The following NEDD9 variants were observed in gnomAD, a reference collection of about 807,000 sequenced individuals.
NEDD9 encodes enhancer of filamentation 1.
Under a neutral mutation model 76.6 loss-of-function variants are expected in NEDD9, and 26 were observed. That is an observed-to-expected ratio of 0.34 (90% CI 0.25 to 0.47). The LOEUF is 0.47. NEDD9 is among the 20% of genes least tolerant of loss of function. NEDD9 has a pLI of 1.00. For synonymous variants in NEDD9, 392 were observed against 414.2 expected (o/e 0.95, Z 0.65); for missense variants, 937 against 1,058.5 (o/e 0.89, Z 1.59).
chr6:11,268,069 G>C (rs11969146), intron 3 of NEDD9, among the ~76,000 whole-genome samples: 2,311 of 152,020 alleles, frequency 0.015, 57 homozygotes, highest in African/African-American at 0.052. Flanking sequence ...CCACTCTGTC[G>C]CCCAGGCTGG....
chr6:11,189,891 T>C, intron 5 of NEDD9, 73 bp downstream of exon 5: 1 of 1,480,694 alleles, frequency 6.8e-7, no homozygotes, highest in South Asian at 1.4e-5. Flanking sequence ...CAACCCGACA[T>C]CCTTATAGGC....
intron 6 of NEDD9, among the ~76,000 whole-genome samples, chr6:11,187,916 T>C (rs902949146): frequency 2.6e-5 from 4 of 152,224 alleles, no homozygotes; most frequent in Non-Finnish European, 5.9e-5. Flanking sequence ...TTGCTTAGGC[T>C]AGCTTGAATG....
intron 1 of NEDD9, among the ~76,000 whole-genome samples, chr6:11,356,680 T>C (rs1582047103): frequency 6.6e-6 from 1 of 152,124 alleles, no homozygotes; most frequent in Non-Finnish European, 1.5e-5. Flanking sequence ...ACAGGCTCAC[T>C]TGAGTGTCTT....
At chr6:11,336,137 C>T (rs1249037163) in intron 1 of NEDD9, among the ~76,000 whole-genome samples, 1 of 152,226 alleles carries the variant, frequency 6.6e-6, no homozygotes, top group Non-Finnish European at 1.5e-5. Context: ...TGACACTTCT[C>T]ATAGGCCACC....
rs182410450 is a variant in NEDD9, at chr6:11,339,110, C to T, written c.-213-4549G>A. Reference sequence around the variant, plus strand: ...GTCCCAGCTACCCAATTTCCCTCCCCCAGAGGCATCCTTTGTGTGTGCAAC... The same window carrying T: ...GTCCCAGCTACCCAATTTCCCTCCCTCAGAGGCATCCTTTGTGTGTGCAAC... On this transcript the variant is annotated intron_variant, in intron 1 of 3. Transcript: ENST00000397378. Among the ~76,000 whole-genome samples, 652 of 152,190 alleles carry T rather than the reference C, an allele frequency of 4.3e-3. 2 individuals carry two copies. The highest frequency in any genetic ancestry group is 0.015 in the African/African-American group (619 of 41,526).
At chr6:11,315,779 T>A (rs1255300069) in intron 2 of NEDD9, among the ~76,000 whole-genome samples, 1 of 152,188 alleles carries the variant, frequency 6.6e-6, no homozygotes, top group Admixed American at 6.5e-5. Context: ...GAGAGTGAGA[T>A]GAAAAGAGCT....
intron 1 of NEDD9, among the ~76,000 whole-genome samples, chr6:11,361,924 T>A (rs1762687490): frequency 6.6e-6 from 1 of 152,064 alleles, no homozygotes; most frequent in African/African-American, 2.4e-5. Context: ...AAGAAATTAG[T>A]CTGAGCAAAG....
chr6:11,291,267 GTT>G lies in NEDD9; in HGVS notation c.12+14723_12+14724del, dbSNP rs869185428. Among the ~76,000 whole-genome samples the G allele has an allele frequency of 3.9e-3, 372 of 95,802 alleles. 2 individuals are homozygous for G. The East Asian group carries it at 0.051, about 13-fold the overall frequency. The allele number at this position is 95,802 out of a possible 152,430, so 62.8% of individuals were successfully genotyped here. On this transcript the variant is annotated intron_variant, in intron 3 of 3. Transcript: ENST00000397378. ...GAGCACAGGGCAGAAATAGAATGAGGTTTTTTTTTTTTTTTTTTTTTTTTTGA... is the reference window on the plus strand; with the variant it reads ...GAGCACAGGGCAGAAATAGAATGAGGTTTTTTTTTTTTTTTTTTTTTTTGA...
chr6:11,255,942 C>T (rs1023208784), intron 3 of NEDD9, among the ~76,000 whole-genome samples: 70 of 152,244 alleles, frequency 4.6e-4, no homozygotes, highest in African/African-American at 1.6e-3. Context: ...CCTGATCTCC[C>T]TGTATCTCTC....
chr6:11,259,936 A>ACACACACACACACT (rs1760075012), intron 3 of NEDD9, among the ~76,000 whole-genome samples: 1 of 4,460 alleles, frequency 2.2e-4, no homozygotes, highest in African/African-American at 4.6e-3. Context: ...TGCGCCCTTA[A>ACACACACACACACT]CACACACACA....
chr6:11,270,083 C>T (rs1294253358), intron 3 of NEDD9, among the ~76,000 whole-genome samples: 20 of 152,246 alleles, frequency 1.3e-4, no homozygotes, highest in Admixed American at 1.3e-3. Flanking sequence ...GAGCCGAGAT[C>T]GCATCACTGC....
chr6:11,243,416 C>G (rs748899843), intron 3 of NEDD9, among the ~76,000 whole-genome samples: 1 of 152,204 alleles, frequency 6.6e-6, no homozygotes, highest in Non-Finnish European at 1.5e-5. Flanking sequence ...AGCTTCTAAG[C>G]ACTAGCTCTC....
At chr6:11,266,635 T>C (rs990075537) in intron 3 of NEDD9, among the ~76,000 whole-genome samples, 2 of 152,244 alleles carry the variant, frequency 1.3e-5, no homozygotes, top group South Asian at 4.1e-4. Context: ...CTGCTTTTTA[T>C]TGGTCCTTAG....
At chr6:11,275,301 G>A (rs1019680169) in intron 3 of NEDD9, among the ~76,000 whole-genome samples, 1 of 152,122 alleles carries the variant, frequency 6.6e-6, no homozygotes, top group Non-Finnish European at 1.5e-5. Context: ...CAAAATTTCA[G>A]TTAGGAGGAG....
Position 11,190,509 on chromosome 6 carries a change from T to C in NEDD9, c.1360A>G (p.Lys454Glu), listed in dbSNP as rs1370425962. The C allele has an allele frequency of 6.2e-7, 1 of 1,614,104 alleles. No individual in the cohort carries two copies. The highest frequency in any genetic ancestry group is 8.5e-7 in the Non-Finnish European group (1 of 1,180,048). The change falls in exon 5 of 7, where the codon AAG becomes GAG. Residue 454 changes from lysine (K) to glutamate (E), a missense_variant. By Grantham distance (56) the Lys-to-Glu change is moderately conservative. Transcript: ENST00000379446. This position sits in a 1 kb window ranked among gnomAD's most constrained non-coding sequence, Gnocchi z 5.8. ...HINEIRTAVD[K>E]VELFLKEYLH... ...TACTCCTTCAGGAACAGCTCCACCT[T>C]GTCCACTGCTGTGCGTATTTCATTG... is the stretch of plus-strand genomic sequence containing the variant.
At chr6:11,379,522 A>T (rs754801160) in intron 1 of NEDD9, among the ~76,000 whole-genome samples, 1 of 152,144 alleles carries the variant, frequency 6.6e-6, no homozygotes, top group Non-Finnish European at 1.5e-5. Context: ...TGGGAGGCAG[A>T]AGTTGCAGTG....
At chr6:11,310,883 G>A (rs1405497783) in intron 2 of NEDD9, among the ~76,000 whole-genome samples, 3 of 152,134 alleles carry the variant, frequency 2.0e-5, no homozygotes, top group Non-Finnish European at 4.4e-5. Flanking sequence ...CTCCACATCT[G>A]CAGATTGACT....
chr6:11,244,082 C>T (rs571701799), intron 3 of NEDD9, among the ~76,000 whole-genome samples: 7 of 152,048 alleles, frequency 4.6e-5, no homozygotes, highest in Admixed American at 4.6e-4. Context: ...AGATGAAGGC[C>T]TTCAGGGAAA....
intron 3 of NEDD9, chr6:11,305,048 A>T: frequency 8.0e-7 from 1 of 1,254,556 alleles, no homozygotes; most frequent in Non-Finnish European, 1.0e-6. Flanking sequence ...TAAAGAAAGC[A>T]TTTCTTATTA....
Sources: allele counts gnomAD v4.1 joint callset (sites outside exome capture counted in the v4.1 genomes callset), GRCh38; gene constraint gnomAD v4.1.1; non-coding constraint Gnocchi (gnomAD v3.1); transcripts MANE v1.5; gene names NCBI Gene and HGNC (gene_info 2026-07-23, HGNC 2026-07-21).